The following NPLOC4 variants were observed in gnomAD, a reference collection of about 807,000 sequenced individuals.
The protein encoded by NPLOC4 is NPL4 homolog, ubiquitin recognition factor, also known as nuclear protein localization protein 4 homolog.
Under a neutral mutation model 80.6 loss-of-function variants are expected in NPLOC4, and 18 were observed. The observed-to-expected ratio is 0.22, with a 90% CI of 0.15 to 0.33. NPLOC4 has a LOEUF of 0.33. Among genes scored for constraint, NPLOC4 ranks in the 10% least tolerant of loss-of-function variants. The pLI is 1.00. For synonymous variants in NPLOC4, 313 were observed against 301.5 expected (o/e 1.04, Z -0.39); for missense variants, 540 against 786.1 (o/e 0.69, Z 3.74).
intron 1 of NPLOC4, 136 bp from the exon 2 acceptor site, chr17:81,629,941 C>A: frequency 3.1e-6 from 2 of 653,728 alleles, no homozygotes; most frequent in South Asian, 1.8e-5. Flanking sequence ...CCTTTCAATA[C>A]CCAGCTCAAT....
chr17:81,611,506 TGCCTG>T lies in NPLOC4; in HGVS notation c.387-1253_387-1249del, dbSNP rs1483425314. On this transcript the variant is annotated intron_variant, in intron 4 of 16. Coordinates refer to ENST00000331134, the MANE Select transcript of NPLOC4 (RefSeq NM_017921.4). ...CTGGGACTACAGGTGCACACCACCATGCCTGGCTAATTTTTGTATTTTTAGTAGAG... is the reference window on the plus strand; with the variant it reads ...CTGGGACTACAGGTGCACACCACCATGCTAATTTTTGTATTTTTAGTAGAG... Among the ~76,000 whole-genome samples the T allele has an allele frequency of 5.3e-5, 8 of 150,948 alleles. No individual in the cohort carries two copies. In the East Asian group the frequency reaches 1.5e-3, roughly 28 times the overall value.
intron 12 of NPLOC4, among the ~76,000 whole-genome samples, chr17:81,583,828 T>C (rs1484737668): frequency 6.6e-6 from 1 of 152,208 alleles, no homozygotes; most frequent in African/African-American, 2.4e-5. Context: ...TGTGAGTGCA[T>C]GTAAATGTAT....
At chr17:81,565,473 G>C in intron 16 of NPLOC4, 32 bp downstream of exon 16, 5 of 1,501,334 alleles carry the variant, frequency 3.3e-6, no homozygotes, top group Non-Finnish European at 3.6e-6. Context: ...CCCCAGCCAC[G>C]GGGTGCCGGG....
intron 11 of NPLOC4, among the ~76,000 whole-genome samples, chr17:81,595,819 C>T (rs1266035639): frequency 6.6e-6 from 1 of 152,166 alleles, no homozygotes; most frequent in African/African-American, 2.4e-5. Flanking sequence ...GCTGGGATTA[C>T]AGGCGTGAGC....
At chr17:81,576,165 G>A (rs908345996) in intron 12 of NPLOC4, among the ~76,000 whole-genome samples, 6 of 152,232 alleles carry the variant, frequency 3.9e-5, no homozygotes, top group African/African-American at 1.4e-4. Context: ...CAAACATCTA[G>A]AGAAGCACAA....
Position 81,580,254 on chromosome 17 carries a change from A to G in NPLOC4, c.1282-8166T>C, listed in dbSNP as rs1023164185. On this transcript the variant is annotated intron_variant, in intron 12 of 16. Transcript: ENST00000331134. This position sits in a 1 kb window ranked among gnomAD's most constrained non-coding sequence, Gnocchi z 4.4. ...CCGGGTGGTGCCTCTGCACTAGCAC[A>G]TCGCCGACAGATCCCCAGCCTTCCA... Among the ~76,000 whole-genome samples, 4 of 152,132 alleles carry G rather than the reference A, an allele frequency of 2.6e-5. No individual in the cohort carries two copies. Among genetic ancestry groups the G allele is most frequent in the African/African-American group, 9.7e-5 (4 of 41,418 alleles).
intron 4 of NPLOC4, among the ~76,000 whole-genome samples, chr17:81,611,298 A>C (rs1268474487): frequency 6.6e-6 from 1 of 151,998 alleles, no homozygotes; most frequent in Non-Finnish European, 1.5e-5. Flanking sequence ...CCAGCCTGGG[A>C]GACGAGAGTG....
intron 2 of NPLOC4, among the ~76,000 whole-genome samples, chr17:81,628,204 C>G (rs1239633193): frequency 1.3e-5 from 2 of 149,138 alleles, no homozygotes; most frequent in African/African-American, 2.5e-5. Context: ...GAGCGAGACT[C>G]CCTCTCATAA....
rs148965469 is a variant in NPLOC4, at chr17:81,634,085, T to A, written c.15+2831A>T. On this transcript the variant is annotated intron_variant, in intron 1 of 16. Transcript: ENST00000331134. ...TGGGGTTTCACCGTGTTGCCCAGGC[T>A]GGTCTCAAACTCCTGAGCTCAGGCA... 4.0e-3 allele frequency among the ~76,000 whole-genome samples: 601 copies of A among 151,960 alleles called. 3 individuals carry two copies. The highest frequency in any genetic ancestry group is 0.013 in the African/African-American group (555 of 41,452).
rs767344005 is a variant in NPLOC4 at position 81,589,113 on chromosome 17, G to C, written c.1121-9C>G. 1 of 1,609,932 alleles carries C rather than the reference G, an allele frequency of 6.2e-7. No homozygotes were observed. Among genetic ancestry groups the C allele is most frequent in the Non-Finnish European group, 8.5e-7 (1 of 1,177,604 alleles). ...TTGGTTGTCAGGACCACCTGCAAGA[G>C]AGAGACCTTTAAAAAGAGTCTACCA... On this transcript the variant is annotated splice_polypyrimidine_tract_variant and intron_variant, in intron 11 of 16. Transcript: ENST00000331134.
In NPLOC4 at chr17:81,606,870, C is replaced by CT. The variant is rs1377568409; in HGVS notation, c.531-57dup. The CT allele has an allele frequency of 2.2e-5, 34 of 1,531,658 alleles. No individual in the cohort carries two copies. The Admixed American group carries it at 3.7e-4, about 16-fold the overall frequency. 94.9% of individuals were successfully genotyped at this position (1,531,658 alleles called of 1,614,324 possible). Reference sequence around the variant, plus strand: ...CATTGGTGAAAAGTTGAGCAAGAGGCTGGAAATGACATGCTAAGTATCTTA... The same window carrying CT: ...CATTGGTGAAAAGTTGAGCAAGAGGCTTGGAAATGACATGCTAAGTATCTTA... On this transcript the variant is annotated intron_variant, in intron 6 of 16. Transcript: ENST00000331134.
chr17:81,588,917 G>A, intron 12 of NPLOC4, 27 bp downstream of exon 12: 1 of 1,600,976 alleles, frequency 6.2e-7, no homozygotes, highest in South Asian at 1.1e-5. Context: ...TCCATGTACA[G>A]AGTTCTTTTT....
intron 12 of NPLOC4, among the ~76,000 whole-genome samples, chr17:81,585,627 C>T (rs1179509364): frequency 6.8e-6 from 1 of 148,132 alleles, no homozygotes; most frequent in Non-Finnish European, 1.5e-5. Flanking sequence ...GGCCACTGCA[C>T]TCCAGCCTGG....
At chr17:81,611,867 G>A (rs1201603696) in intron 4 of NPLOC4, among the ~76,000 whole-genome samples, 1 of 151,274 alleles carries the variant, frequency 6.6e-6, no homozygotes, top group East Asian at 2.0e-4. Context: ...GGCTGAGGCA[G>A]GAGAATGGCG....
In NPLOC4 at chr17:81,567,486, C is replaced by T. The variant is rs377268956; in HGVS notation, c.1497G>A (p.Val499=). Residue 499 remains valine (V), a synonymous_variant, in exon 15 of 17, where the codon GTG becomes GTA. Transcript: ENST00000331134. The surrounding 1 kb of genome is among the most constrained non-coding windows in gnomAD (Gnocchi z 4.5). ...ATYLSQNTSS[V]FLDTISDFHL... ...GGAAATCTGAGATGGTATCCAAGAA[C>T]ACAGATGAGGTATTCTGAGACAAAT... The T allele has an allele frequency of 6.2e-7, 1 of 1,613,754 alleles. No homozygotes were observed. The highest frequency in any genetic ancestry group is 8.5e-7 in the Non-Finnish European group (1 of 1,179,740).
intron 13 of NPLOC4, 128 bp downstream of exon 13, chr17:81,571,889 G>T (rs1002818343): frequency 2.9e-5 from 15 of 512,742 alleles, no homozygotes; most frequent in African/African-American, 2.0e-4. Context: ...GTTCTGGGGT[G>T]GGCACTGCTC....
At chr17:81,618,994 G>C (rs1440666778) in intron 3 of NPLOC4, among the ~76,000 whole-genome samples, 1 of 151,972 alleles carries the variant, frequency 6.6e-6, no homozygotes, top group Non-Finnish European at 1.5e-5. Context: ...TTAAACAGAT[G>C]CTTGAAGGCA....
intron 4 of NPLOC4, among the ~76,000 whole-genome samples, chr17:81,610,674 C>CAAA (rs1555685322): frequency 0.39 from 34,515 of 88,052 alleles, 8,155 homozygotes; most frequent in Non-Finnish European, 0.53. Context: ...CAAACCAGGC[C>CAAA]GGGCGCGGTG....
At chr17:81,587,381 T>C (rs897646316) in intron 12 of NPLOC4, among the ~76,000 whole-genome samples, 3 of 151,950 alleles carry the variant, frequency 2.0e-5, no homozygotes. Context: ...AGTGGCACAA[T>C]CTTGGCTCAT....
Sources: allele counts gnomAD v4.1 joint callset (sites outside exome capture counted in the v4.1 genomes callset), GRCh38; gene constraint gnomAD v4.1.1; non-coding constraint Gnocchi (gnomAD v3.1); transcripts MANE v1.5; gene names NCBI Gene and HGNC (gene_info 2026-07-23, HGNC 2026-07-21).